The following ATP8A2 variants were observed in gnomAD, a reference collection of about 807,000 sequenced individuals.
The protein encoded by ATP8A2 is phospholipid-transporting ATPase IB.
ATP8A2 carries 100 observed loss-of-function variants against 165.6 expected under a neutral mutation model. The ratio of observed to expected loss-of-function variants is 0.60; its 90% confidence interval spans 0.51 to 0.71. ATP8A2 has a LOEUF of 0.71. Among genes scored for constraint, ATP8A2 ranks in the 30% least tolerant of loss-of-function variants. The pLI, the probability that ATP8A2 is intolerant of heterozygous loss-of-function variation, is 0.00. For synonymous variants in ATP8A2, 543 were observed against 548.8 expected (o/e 0.99, Z 0.15); for missense variants, 1,227 against 1,479.5 (o/e 0.83, Z 2.80).
chr13:25,601,056 A>G (rs753830320), intron 24 of ATP8A2, among the ~76,000 whole-genome samples: 2 of 152,146 alleles, frequency 1.3e-5, no homozygotes, highest in Non-Finnish European at 2.9e-5. Flanking sequence ...GAAGTTGACT[A>G]TTTTGTTTCT....
At chr13:25,413,278 G>GTTTTTTTTTTT (rs1195456593) in intron 1 of ATP8A2, among the ~76,000 whole-genome samples, 4 of 105,262 alleles carry the variant, frequency 3.8e-5, no homozygotes, top group Non-Finnish European at 7.5e-5. Flanking sequence ...CTTTTTCTTT[G>GTTTTTTTTTTT]TTTTTTTTTT....
chr13:25,566,580 G>T (rs147010754), intron 16 of ATP8A2, among the ~76,000 whole-genome samples: 1 of 152,172 alleles, frequency 6.6e-6, no homozygotes, highest in African/African-American at 2.4e-5. Flanking sequence ...TCTTGGTCCA[G>T]TTTCACGAGC....
chr13:25,943,457 A>G (rs1955126792), intron 33 of ATP8A2, among the ~76,000 whole-genome samples: 1 of 152,134 alleles, frequency 6.6e-6, no homozygotes, highest in Non-Finnish European at 1.5e-5. Flanking sequence ...ACAGTTGCCT[A>G]CAAAATTCAG....
At chr13:25,786,623 G>T (rs550666762) in intron 27 of ATP8A2, among the ~76,000 whole-genome samples, 1 of 152,108 alleles carries the variant, frequency 6.6e-6, no homozygotes, top group Non-Finnish European at 1.5e-5. Flanking sequence ...TTACTTCCCT[G>T]TTAGTTCCAC....
At chr13:25,511,784 T>C (rs1355997014) in intron 2 of ATP8A2, among the ~76,000 whole-genome samples, 1 of 152,208 alleles carries the variant, frequency 6.6e-6, no homozygotes, top group Non-Finnish European at 1.5e-5. Context: ...CTCATTGTTG[T>C]GGGTACTTCG....
At chr13:25,381,581 A>G (rs1332582062) in intron 1 of ATP8A2, among the ~76,000 whole-genome samples, 4 of 152,214 alleles carry the variant, frequency 2.6e-5, no homozygotes, top group Admixed American at 2.0e-4. Flanking sequence ...ATGGACTGTG[A>G]TAATAAACAC....
At chr13:25,571,462 T>C in intron 17 of ATP8A2, 148 bp from the exon 18 acceptor site, 1 of 603,698 alleles carries the variant, frequency 1.7e-6, no homozygotes, top group East Asian at 2.8e-5. Context: ...GAAAAGCAAG[T>C]GCTTCTCTAT....
chr13:25,424,591 G>A (rs908855882), intron 1 of ATP8A2, among the ~76,000 whole-genome samples: 1 of 152,102 alleles, frequency 6.6e-6, no homozygotes, highest in South Asian at 2.1e-4. Context: ...TATTTACAGG[G>A]TTCCTTTGAA....
At chr13:25,450,128 C>G (rs1234927668) in intron 1 of ATP8A2, among the ~76,000 whole-genome samples, 2 of 152,138 alleles carry the variant, frequency 1.3e-5, no homozygotes, top group Non-Finnish European at 1.5e-5. Context: ...GCCTCAAGCT[C>G]TATCCATGTT....
At chr13:25,381,527 CTT>C (rs1189082844) in intron 1 of ATP8A2, among the ~76,000 whole-genome samples, 1 of 152,136 alleles carries the variant, frequency 6.6e-6, no homozygotes, top group African/African-American at 2.4e-5. Context: ...TTGTTCAAGA[CTT>C]TGAGTTTTTA....
At chr13:25,948,257 G>T (rs1382761677) in intron 33 of ATP8A2, among the ~76,000 whole-genome samples, 1 of 151,680 alleles carries the variant, frequency 6.6e-6, no homozygotes, top group African/African-American at 2.4e-5. Flanking sequence ...ACTCATTCAG[G>T]AATCATCACA....
intron 33 of ATP8A2, among the ~76,000 whole-genome samples, chr13:25,927,944 C>T (rs1321215897): frequency 1.3e-5 from 2 of 152,248 alleles, no homozygotes; most frequent in East Asian, 3.8e-4. Flanking sequence ...AGAACACCCA[C>T]ATTTGGTATC....
At chr13:25,838,893 C>T (rs760647232) in intron 29 of ATP8A2, among the ~76,000 whole-genome samples, 30 of 151,826 alleles carry the variant, frequency 2.0e-4, no homozygotes, top group Middle Eastern at 6.8e-3. Flanking sequence ...ACAATGATTG[C>T]GATGTATTAG....
intron 27 of ATP8A2, among the ~76,000 whole-genome samples, chr13:25,809,467 C>T (rs1950814101): frequency 6.6e-6 from 1 of 152,166 alleles, no homozygotes; most frequent in African/African-American, 2.4e-5. Context: ...GCTTTGTCTT[C>T]CCCTGCCCTG....
At position 25,820,766 on chromosome 13, in the gene ATP8A2, A is replaced by G. The variant is rs192132644; in HGVS notation, c.2680-7352A>G. Among the ~76,000 whole-genome samples, 476 of 152,330 alleles carry G rather than the reference A, an allele frequency of 3.1e-3. 2 individuals are homozygous for G. Among genetic ancestry groups the G allele is most frequent in the Non-Finnish European group, 5.2e-3 (356 of 68,032 alleles). On this transcript the variant is annotated intron_variant, in intron 27 of 36. Coordinates refer to ENST00000381655, the MANE Select transcript of ATP8A2 (RefSeq NM_016529.6). ...TCATGAATAAATAAAATAAAAGCTA[A>G]GTACGTTTGTATAAATATTTAAAAA...
intron 2 of ATP8A2, among the ~76,000 whole-genome samples, chr13:25,471,912 A>G (rs1241980211): frequency 6.6e-6 from 1 of 152,250 alleles, no homozygotes; most frequent in Admixed American, 6.5e-5. Flanking sequence ...ATATATTAAA[A>G]TTCATATAAT....
chr13:25,605,325 C>T (rs1268199240), intron 24 of ATP8A2, among the ~76,000 whole-genome samples: 1 of 152,120 alleles, frequency 6.6e-6, no homozygotes, highest in Non-Finnish European at 1.5e-5. Context: ...GGATTATAGC[C>T]ATCAAGCTTT....
At chr13:26,018,137 C>T (rs1445671825) in intron 36 of ATP8A2, among the ~76,000 whole-genome samples, 1 of 152,222 alleles carries the variant, frequency 6.6e-6, no homozygotes, top group Non-Finnish European at 1.5e-5. Flanking sequence ...TCTCAGGCCA[C>T]CTCTGCAGAC....
At chr13:25,788,331 G>T (rs2045083328) in intron 27 of ATP8A2, among the ~76,000 whole-genome samples, 1 of 152,206 alleles carries the variant, frequency 6.6e-6, no homozygotes, top group South Asian at 2.1e-4. Context: ...TACAATTATG[G>T]CATTGTTAAG....
Sources: allele counts gnomAD v4.1 joint callset (sites outside exome capture counted in the v4.1 genomes callset), GRCh38; gene constraint gnomAD v4.1.1; transcripts MANE v1.5; gene names NCBI Gene and HGNC (gene_info 2026-07-23, HGNC 2026-07-21).